Variants in KCNT2 observed in about 807,000 individuals in gnomAD.
KCNT2 encodes potassium sodium-activated channel subfamily T member 2.
Under a neutral mutation model 153.8 loss-of-function variants are expected in KCNT2, and 67 were observed. The ratio of observed to expected loss-of-function variants is 0.44; its 90% CI spans 0.36 to 0.53. The LOEUF (loss-of-function observed/expected upper bound fraction) is 0.53. Ranked by LOEUF, KCNT2 falls within the 20% of genes least tolerant of loss-of-function variation. The probability of loss-of-function intolerance (pLI) is 0.00; values close to 1 mark genes in which losing one functional copy is unlikely to be tolerated. For synonymous variants in KCNT2, 500 were observed against 458.8 expected (o/e 1.09, Z -1.15); for missense variants, 975 against 1,354.8 (o/e 0.72, Z 4.40).
At chr1:196,490,263 A>AT (rs1679758287) in intron 2 of KCNT2, among the ~76,000 whole-genome samples, 1 of 151,778 alleles carries the variant, frequency 6.6e-6, no homozygotes, top group African/African-American at 2.4e-5. Flanking sequence ...ATGTTTAAGC[A>AT]TTTTATACAT....
rs760737863 is a variant in KCNT2 at position 196,258,374 on chromosome 1, G to A, written c.3031C>T (p.Arg1011Trp). The A allele has an allele frequency of 1.9e-6, 3 of 1,613,912 alleles. No individual in the cohort carries two copies. Among genetic ancestry groups the A allele is most frequent in the Non-Finnish European group, 2.5e-6 (3 of 1,179,980 alleles). The change falls in exon 26 of 28, where the codon CGG becomes TGG. Residue 1011 changes from arginine to tryptophan, a missense_variant. By Grantham distance (101) the Arg-to-Trp change is moderately radical. Coordinates refer to ENST00000294725, the MANE Select transcript of KCNT2 (RefSeq NM_198503.5). ...CGGGCCCACTGCATGCTTTTTCTCC[G>A]CAGCAAGGGATGGTCCGACTGATCA... Reference protein sequence around the residue: ...SSDQSDHPLLRRKSMQWARRL... With the variant: ...SSDQSDHPLLWRKSMQWARRL...
chr1:196,317,446 A>G (rs1662832721), intron 20 of KCNT2, among the ~76,000 whole-genome samples: 1 of 151,714 alleles, frequency 6.6e-6, no homozygotes, highest in Admixed American at 6.6e-5. Flanking sequence ...TTAAAAAAGA[A>G]AGAGTTAGAT....
intron 10 of KCNT2, 93 bp from the exon 11 acceptor site, chr1:196,426,081 A>G: frequency 3.2e-6 from 3 of 946,332 alleles, no homozygotes; most frequent in Non-Finnish European, 4.7e-6. Context: ...AATTTGAAAT[A>G]TGATAAAACT....
At chr1:196,547,816 T>G (rs2148889167) in intron 1 of KCNT2, among the ~76,000 whole-genome samples, 1 of 151,968 alleles carries the variant, frequency 6.6e-6, no homozygotes, top group African/African-American at 2.4e-5. Context: ...TACATCTTCT[T>G]TTAGAAAATT....
intron 3 of KCNT2, among the ~76,000 whole-genome samples, chr1:196,487,431 T>TGTGTGC (rs1679517845): frequency 6.6e-6 from 1 of 151,620 alleles, no homozygotes; most frequent in Non-Finnish European, 1.5e-5. Context: ...TGTGTGTGTG[T>TGTGTGC]GTGTATGTAT....
intron 1 of KCNT2, among the ~76,000 whole-genome samples, chr1:196,544,950 A>G (rs1219930084): frequency 6.6e-6 from 1 of 152,122 alleles, no homozygotes; most frequent in Non-Finnish European, 1.5e-5. Flanking sequence ...CAAAAATAAA[A>G]AGTTTGGATT....
intron 1 of KCNT2, among the ~76,000 whole-genome samples, chr1:196,598,441 G>T (rs1664343905): frequency 6.6e-6 from 1 of 152,096 alleles, no homozygotes; most frequent in South Asian, 2.1e-4. Context: ...ACTATCAAAA[G>T]AACCATGCTC....
intron 1 of KCNT2, among the ~76,000 whole-genome samples, chr1:196,504,102 A>G (rs1680919375): frequency 6.6e-6 from 1 of 152,164 alleles, no homozygotes; most frequent in Admixed American, 6.6e-5. Flanking sequence ...TTATTATTAT[A>G]CTTTAAGTTT....
intron 11 of KCNT2, among the ~76,000 whole-genome samples, chr1:196,425,256 T>C (rs888868393): frequency 6.6e-6 from 1 of 151,940 alleles, no homozygotes; most frequent in Non-Finnish European, 1.5e-5. Context: ...TAAGACTATG[T>C]CACCTTTAAG....
intron 1 of KCNT2, among the ~76,000 whole-genome samples, chr1:196,547,802 G>A (rs868542716): frequency 2.0e-5 from 3 of 151,240 alleles, no homozygotes; most frequent in Admixed American, 2.0e-4. Context: ...TTGAAAAAAA[G>A]CAATACATCT....
At chr1:196,243,174 T>C (rs1301548108) in intron 26 of KCNT2, among the ~76,000 whole-genome samples, 1 of 152,234 alleles carries the variant, frequency 6.6e-6, no homozygotes, top group African/African-American at 2.4e-5. Flanking sequence ...GCTTTTGTGC[T>C]GAATCCATGT....
At chr1:196,289,098 T>C (rs1376145400) in intron 22 of KCNT2, among the ~76,000 whole-genome samples, 1 of 152,240 alleles carries the variant, frequency 6.6e-6, no homozygotes, top group Non-Finnish European at 1.5e-5. Context: ...AAGATATTTT[T>C]ATTATCAGTT....
intron 14 of KCNT2, among the ~76,000 whole-genome samples, chr1:196,352,124 T>C (rs1336023154): frequency 6.6e-6 from 1 of 152,064 alleles, no homozygotes; most frequent in African/African-American, 2.4e-5. Context: ...TTATTGAGGA[T>C]TTTTGCATCA....
chr1:196,234,836 T>C (rs560779013), intron 27 of KCNT2, among the ~76,000 whole-genome samples: 1 of 151,426 alleles, frequency 6.6e-6, no homozygotes, highest in Non-Finnish European at 1.5e-5. Flanking sequence ...GGATCTAATA[T>C]CCAACAAAAC....
chr1:196,472,258 A>G (rs1394024418), intron 5 of KCNT2, among the ~76,000 whole-genome samples: 2 of 152,132 alleles, frequency 1.3e-5, no homozygotes, highest in Non-Finnish European at 2.9e-5. Context: ...TTATTTTTGG[A>G]GCTTAAATAT....
intron 1 of KCNT2, among the ~76,000 whole-genome samples, chr1:196,500,080 A>G (rs1158937654): frequency 1.3e-5 from 2 of 151,130 alleles, no homozygotes; most frequent in Non-Finnish European, 2.9e-5. Context: ...GGAGGTGGAG[A>G]TTGCAGTGAG....
chr1:196,258,038 T>A (rs1263311997), intron 26 of KCNT2, 156 bp downstream of exon 26: 1 of 1,426,460 alleles, frequency 7.0e-7, no homozygotes, highest in African/African-American at 1.4e-5. Context: ...ATCATCATCA[T>A]TTAAATTTTC....
chr1:196,515,468 T>C (rs1461434441), intron 1 of KCNT2, among the ~76,000 whole-genome samples: 1 of 152,192 alleles, frequency 6.6e-6, no homozygotes, highest in Admixed American at 6.5e-5. Context: ...TTAGCAAGCA[T>C]TGACTTAACA....
At chr1:196,396,744 T>C (rs1263247247) in intron 13 of KCNT2, among the ~76,000 whole-genome samples, 3 of 151,588 alleles carry the variant, frequency 2.0e-5, no homozygotes, top group African/African-American at 7.3e-5. Context: ...ATGGTTGGGA[T>C]AGAATTTGTA....
Sources: gnomAD v4.1 joint callset for allele counts (sites outside exome capture counted in the v4.1 genomes callset) on GRCh38, gnomAD v4.1.1 for gene constraint, MANE v1.5 for transcripts, NCBI Gene and HGNC (gene_info 2026-07-23, HGNC 2026-07-21) for gene names.